The following MRPL42 variants were observed in gnomAD, a reference collection of about 807,000 sequenced individuals.
MRPL42 encodes large ribosomal subunit protein mL42.
In MRPL42, 17 loss-of-function variants were observed where a neutral mutation model predicts 17.9. That is an observed-to-expected ratio of 0.95 (90% CI 0.65 to 1.42). The LOEUF is 1.42. MRPL42 is among the 40% of genes most tolerant of loss of function. The pLI is 0.00. For missense variants in MRPL42, 177 were observed against 175.2 expected (o/e 1.01, Z -0.06); for synonymous variants, 59 against 54.4 (o/e 1.08, Z -0.37).
intron 4 of MRPL42, among the ~76,000 whole-genome samples, chr12:93,485,031 CAG>C (rs1555201434): frequency 3.2e-5 from 1 of 30,784 alleles, no homozygotes; most frequent in Non-Finnish European, 8.7e-5. Context: ...TATATATAAA[CAG>C]AGATGGGGGG....
At chr12:93,495,279 A>G (rs1311141977) in intron 5 of MRPL42, among the ~76,000 whole-genome samples, 1 of 152,238 alleles carries the variant, frequency 6.6e-6, no homozygotes, top group Non-Finnish European at 1.5e-5. Context: ...GGAAGATTAT[A>G]TTAGAAGGAA....
chr12:93,506,997 C>G lies in MRPL42; in HGVS notation c.*5776C>G, dbSNP rs1953678130. 6.6e-6 allele frequency: 1 copy of G among 152,078 alleles called. No individual in the cohort carries two copies. Among genetic ancestry groups the G allele is most frequent in the South Asian group, 2.1e-4 (1 of 4,814 alleles). 9.4% of individuals were successfully genotyped at this position (152,078 alleles called of 1,614,324 possible). A position where few individuals can be genotyped will look rare whatever the true frequency, so the allele number is the denominator to read the frequency against. On this transcript the variant is annotated 3_prime_UTR_variant, in exon 6 of 6. Coordinates refer to ENST00000549982, the MANE Select transcript of MRPL42 (RefSeq NM_014050.4). ...GATCCAAAGACACTAATTGACTTGC[C>G]CAAGATCACAGATTGTGGCAGAACC...
At chr12:93,481,929 T>C (rs1244025842) in intron 4 of MRPL42, among the ~76,000 whole-genome samples, 1 of 152,134 alleles carries the variant, frequency 6.6e-6, no homozygotes, top group African/African-American at 2.4e-5. Context: ...GATATCATGG[T>C]TTATCATTAT....
rs1402967437 is a variant in MRPL42, at chr12:93,507,614, T to C, written c.*6393T>C. 6.6e-6 allele frequency: 1 copy of C among 152,224 alleles called. No individual in the cohort carries two copies. Among genetic ancestry groups the C allele is most frequent in the Non-Finnish European group, 1.5e-5 (1 of 68,048 alleles). 9.4% of individuals were successfully genotyped at this position (152,224 alleles called of 1,614,324 possible). A position where few individuals can be genotyped will look rare whatever the true frequency, so the allele number is the denominator to read the frequency against. ...GCGTTCTTCCAGGTAATTCTTATAG[T>C]CTGGATCCAGCTCAGCTTATCTTGG... On this transcript the variant is annotated 3_prime_UTR_variant, in exon 6 of 6. Transcript: ENST00000549982.
intron 2 of MRPL42, among the ~76,000 whole-genome samples, chr12:93,471,526 C>G (rs1462536637): frequency 6.6e-6 from 1 of 152,058 alleles, no homozygotes; most frequent in Non-Finnish European, 1.5e-5. Context: ...GTCTCAAACT[C>G]CTGACCTCAA....
chr12:93,492,907 TATTA>T (rs1225693889), intron 5 of MRPL42, among the ~76,000 whole-genome samples: 2 of 139,798 alleles, frequency 1.4e-5, no homozygotes, highest in East Asian at 2.2e-4. Flanking sequence ...TTGCAGACAC[TATTA>T]ATTAATACAA....
intron 2 of MRPL42, chr12:93,470,431 G>A: frequency 2.4e-6 from 3 of 1,234,140 alleles, no homozygotes; most frequent in Non-Finnish European, 3.1e-6. Flanking sequence ...CAGTAGGTTT[G>A]CCTTTTTATA....
At chr12:93,476,805 C>T (rs1432138935) in intron 2 of MRPL42, 149 bp from the exon 3 acceptor site, 8 of 685,686 alleles carry the variant, frequency 1.2e-5, no homozygotes, top group African/African-American at 3.7e-5. Flanking sequence ...GGGACTGAGT[C>T]TTGTTTGTTG....
In MRPL42 at chr12:93,509,213, C is replaced by T. The variant is rs536293870; in HGVS notation, c.*7992C>T. The T allele has an allele frequency of 6.9e-6, 1 of 144,688 alleles. No homozygotes were observed. The highest frequency in any genetic ancestry group is 2.2e-4 in the South Asian group (1 of 4,578). 9.0% of individuals were successfully genotyped at this position (144,688 alleles called of 1,614,324 possible). On this transcript the variant is annotated 3_prime_UTR_variant, in exon 6 of 6. Transcript: ENST00000549982. ...AAAAAAAAAAAAAAAACTGCCAAAA[C>T]GCTTTTTGCAAAGTGGTTGTACCAT...
chr12:93,476,020 A>G (rs1434942048), intron 2 of MRPL42, among the ~76,000 whole-genome samples: 1 of 152,044 alleles, frequency 6.6e-6, no homozygotes, highest in Non-Finnish European at 1.5e-5. Flanking sequence ...AAAGAAAAAC[A>G]ATTTTGGCTC....
intron 2 of MRPL42, chr12:93,470,575 A>G: frequency 1.6e-6 from 2 of 1,267,622 alleles, no homozygotes; most frequent in South Asian, 2.6e-5. Flanking sequence ...CAAATAGTGA[A>G]CATAGTACCC....
At chr12:93,470,433 C>T (rs1032244471) in intron 2 of MRPL42, 11 of 1,236,272 alleles carry the variant, frequency 8.9e-6, no homozygotes, top group Non-Finnish European at 1.2e-5. Flanking sequence ...GTAGGTTTGC[C>T]TTTTTATATT....
chr12:93,468,982 A>G (rs192645927), intron 1 of MRPL42, among the ~76,000 whole-genome samples: 51 of 152,342 alleles, frequency 3.3e-4, no homozygotes, highest in African/African-American at 1.1e-3. Flanking sequence ...TCTAAGATAA[A>G]TAGTAATGGA....
rs1953600317 is a variant in MRPL42, at chr12:93,501,861, AG to A, written c.*641del. 1 of 116,766 alleles carries A rather than the reference AG, an allele frequency of 8.6e-6. No individual in the cohort carries two copies. Among genetic ancestry groups the A allele is most frequent in the Non-Finnish European group, 2.0e-5 (1 of 49,050 alleles). The allele number at this position is 116,766 out of a possible 1,614,324, so 7.2% of individuals were successfully genotyped here. A position where few individuals can be genotyped will look rare whatever the true frequency, so the allele number is the denominator to read the frequency against. On this transcript the variant is annotated 3_prime_UTR_variant, in exon 6 of 6. Transcript: ENST00000549982. The stretch of plus-strand genomic sequence containing the variant: ...AAGAAAATAAATGTTATGATGTTTC[AG>A]TTGGCTTCTAGGAAATAATTAAATT...
At position 93,513,629 on chromosome 12, in the gene MRPL42, T is replaced by A. The variant is rs1410948382; in HGVS notation, c.*12408T>A. The A allele has an allele frequency of 6.6e-6, 1 of 152,222 alleles. No individual in the cohort carries two copies. Among genetic ancestry groups the A allele is most frequent in the Middle Eastern group, 3.2e-3 (1 of 316 alleles). 9.4% of individuals were successfully genotyped at this position (152,222 alleles called of 1,614,324 possible). On this transcript the variant is annotated 3_prime_UTR_variant, in exon 6 of 6. Coordinates refer to ENST00000549982, the MANE Select transcript of MRPL42 (RefSeq NM_014050.4). ...TTGAGTTATAGAAATTATATTAATC[T>A]TAAATTCACATTTTCAGTGAAAGTT...
At chr12:93,497,488 C>T (rs984475546) in intron 5 of MRPL42, among the ~76,000 whole-genome samples, 15 of 152,114 alleles carry the variant, frequency 9.9e-5, no homozygotes, top group African/African-American at 3.6e-4. Context: ...AACATATGAT[C>T]ATTTCAGTAA....
At position 93,487,654 on chromosome 12, in the gene MRPL42, A is replaced by T. The variant is rs147591292; in HGVS notation, c.377A>T (p.His126Leu). Residue 126 changes from histidine (H) to leucine (L), a missense_variant, in exon 5 of 6, where the codon CAT (histidine) becomes CTT (leucine). His to Leu is a moderately conservative substitution (Grantham distance 99). Coordinates refer to ENST00000549982, the MANE Select transcript of MRPL42 (RefSeq NM_014050.4). ...ACTACTAAGCACCGTTGGTATCCTCATGGACGGTAAGTTTTCTTTTCTTTT... is the reference window on the plus strand; with the variant it reads ...ACTACTAAGCACCGTTGGTATCCTCTTGGACGGTAAGTTTTCTTTTCTTTT... ...FFTTKHRWYP[H>L]GRYHRCRKNL... The T allele has an allele frequency of 7.1e-5, 114 of 1,601,068 alleles. No homozygotes were observed. The highest frequency in any genetic ancestry group is 9.5e-5 in the Non-Finnish European group (111 of 1,173,430).
chr12:93,472,312 G>A (rs1266873342), intron 2 of MRPL42, among the ~76,000 whole-genome samples: 1 of 152,120 alleles, frequency 6.6e-6, no homozygotes, highest in Non-Finnish European at 1.5e-5. Flanking sequence ...GTAAAGGGCT[G>A]GGCAGGGTGG....
intron 5 of MRPL42, among the ~76,000 whole-genome samples, chr12:93,492,314 T>C (rs1266633453): frequency 6.6e-6 from 1 of 152,230 alleles, no homozygotes; most frequent in Non-Finnish European, 1.5e-5. Context: ...ATAGCCATTC[T>C]AACTAGTATC....
Sources: allele counts gnomAD v4.1 joint callset (sites outside exome capture counted in the v4.1 genomes callset), GRCh38; gene constraint gnomAD v4.1.1; transcripts MANE v1.5; gene names NCBI Gene and HGNC (gene_info 2026-07-23, HGNC 2026-07-21).